The following EHMT1 variants were observed in gnomAD, a reference collection of about 807,000 sequenced individuals.
EHMT1 encodes euchromatic histone lysine methyltransferase 1.
Under a neutral mutation model 147.2 loss-of-function variants are expected in EHMT1, and 15 were observed. The observed-to-expected ratio is 0.10, with a 90% CI of 0.07 to 0.16. The LOEUF is 0.16. Among genes scored for constraint, EHMT1 ranks in the 10% least tolerant of loss-of-function variants. The pLI is 1.00. For synonymous variants in EHMT1, 795 were observed against 709.6 expected, an observed-to-expected ratio of 1.12 and a Z score of -1.91; for missense variants, 1,587 against 1,772.4, an observed-to-expected ratio of 0.90 and a Z score of 1.88.
chr9:137,811,561 A>G lies in EHMT1; in HGVS notation c.2813A>G (p.His938Arg), dbSNP rs749981825. The change falls in exon 19 of 27, where the codon CAC becomes CGC. Residue 938 changes from histidine (H) to arginine (R), a missense_variant. Around this residue, in one of 7 missense-constraint regions of EHMT1, gnomAD observed 201 missense variants for 350.1 expected, o/e 0.57. Transcript: ENST00000460843. Reference protein sequence around the residue: ...AKCDLHAVNIHGDSPLHIAAR... With the variant: ...AKCDLHAVNIRGDSPLHIAAR... ...TGCGACCTCCACGCCGTGAACATCC[A>G]CGGAGACTCGCCACTGCACATTGCC... The G allele has an allele frequency of 6.2e-7, 1 of 1,607,960 alleles. No individual in the cohort carries two copies.
At chr9:137,689,961 A>T (rs1471649059) in intron 1 of EHMT1, among the ~76,000 whole-genome samples, 120 of 152,184 alleles carry the variant, frequency 7.9e-4, no homozygotes, top group Non-Finnish European at 3.8e-4. Context: ...AGTCGTGGTG[A>T]ACAGAAGCAG....
chr9:137,702,157 T>C lies in EHMT1; in HGVS notation c.22-8810T>C, dbSNP rs148090850. On this transcript the variant is annotated intron_variant, in intron 1 of 26. Coordinates refer to ENST00000460843, the MANE Select transcript of EHMT1 (RefSeq NM_024757.5). ...GTTGGTCAGGCTGGTCTCAAACTCC[T>C]GACCTCATGATCCACCCACCTCGGC... is the stretch of plus-strand genomic sequence containing the variant. 9.7e-3 allele frequency among the ~76,000 whole-genome samples: 1,481 copies of C among 152,204 alleles called. 12 individuals carry two copies. Among genetic ancestry groups the C allele is most frequent in the Non-Finnish European group, 0.016 (1,063 of 67,998 alleles).
intron 1 of EHMT1, among the ~76,000 whole-genome samples, chr9:137,656,731 TTTTTAA>T (rs1448418388): frequency 2.6e-5 from 4 of 152,210 alleles, no homozygotes; most frequent in East Asian, 1.9e-4. Flanking sequence ...TTCCTTTTTT[TTTTTAA>T]TTTTAATTTT....
chr9:137,672,534 T>TGG lies in EHMT1; in HGVS notation c.22-38430_22-38429dup, dbSNP rs1314948901. Among the ~76,000 whole-genome samples, 13 of 152,368 alleles carry TGG rather than the reference T, an allele frequency of 8.5e-5. No individual in the cohort carries two copies. The East Asian group carries it at 2.5e-3, about 29-fold the overall frequency. On this transcript the variant is annotated intron_variant, in intron 1 of 26. Coordinates refer to ENST00000460843, the MANE Select transcript of EHMT1 (RefSeq NM_024757.5). ...TGGCAACTCGTGGACAAAATCCCTTTGGGGTACTCAGTGTGTTTAGAGTGT... is the reference window on the plus strand; with the variant it reads ...TGGCAACTCGTGGACAAAATCCCTTTGGGGGGTACTCAGTGTGTTTAGAGTGT...
chr9:137,834,857 C>G lies in EHMT1; in HGVS notation c.3801C>G (p.Ser1267Arg), dbSNP rs775985514. Residue 1267 changes from serine to arginine, a missense_variant, in exon 27 of 27, where the codon AGC (serine) becomes AGG (arginine). Coordinates refer to ENST00000460843, the MANE Select transcript of EHMT1 (RefSeq NM_024757.5). ...GCTCCCCCAAGTGCCGGCACTCGAG[C>G]GCGGCCCTGGCCCAGCGTCAGGCCA... ...RCGSPKCRHSSAALAQRQASA... is the reference protein window; with the variant it reads ...RCGSPKCRHSRAALAQRQASA... 11 of 1,611,700 alleles carry G rather than the reference C, an allele frequency of 6.8e-6. No individual in the cohort carries two copies. In the African/African-American group the frequency reaches 1.5e-4, roughly 22 times the overall value.
intron 1 of EHMT1, among the ~76,000 whole-genome samples, chr9:137,681,582 GT>G (rs1419615153): frequency 6.6e-6 from 1 of 152,032 alleles, no homozygotes; most frequent in Non-Finnish European, 1.5e-5. Context: ...TTCCCTGCTT[GT>G]CCAGGTGACA....
chr9:137,715,401 G>C (rs1355671518), intron 2 of EHMT1, among the ~76,000 whole-genome samples: 3 of 152,196 alleles, frequency 2.0e-5, no homozygotes, highest in African/African-American at 7.2e-5. Flanking sequence ...ATGTGCTCAG[G>C]GTACACTGGT....
intron 1 of EHMT1, among the ~76,000 whole-genome samples, chr9:137,675,779 A>ATTTTTTTTTTT (rs781380107): frequency 4.2e-5 from 4 of 95,742 alleles, no homozygotes; most frequent in African/African-American, 1.4e-4. Context: ...CGCCCGGCTA[A>ATTTTTTTTTTT]TTTTTTTTTT....
intron 10 of EHMT1, chr9:137,763,543 TC>T (rs1950004874): frequency 6.4e-6 from 1 of 155,994 alleles, no homozygotes; most frequent in African/African-American, 2.4e-5. Context: ...GCCATTAGTG[TC>T]GTCTGCTTCC....
chr9:137,752,488 C>T (rs987108055), intron 7 of EHMT1, 80 bp downstream of exon 7: 43 of 1,518,166 alleles, frequency 2.8e-5, no homozygotes, highest in Non-Finnish European at 2.4e-5. Flanking sequence ...GTTCTTTACC[C>T]AACAACCCTT....
chr9:137,720,551 C>T (rs1271012733), intron 3 of EHMT1, among the ~76,000 whole-genome samples: 1 of 152,198 alleles, frequency 6.6e-6, no homozygotes, highest in Non-Finnish European at 1.5e-5. Context: ...GATCTGCCCT[C>T]CTCGGCATCC....
At chr9:137,753,490 A>G (rs2136208143) in intron 7 of EHMT1, among the ~76,000 whole-genome samples, 1 of 152,324 alleles carries the variant, frequency 6.6e-6, no homozygotes, top group East Asian at 1.9e-4. Flanking sequence ...CGTGGGACCC[A>G]ACTCAGGAAG....
intron 6 of EHMT1, chr9:137,746,583 A>C (rs1445191402): frequency 1.3e-5 from 2 of 152,226 alleles, no homozygotes; most frequent in Non-Finnish European, 2.9e-5. Context: ...TCATTCTTGT[A>C]TATAAATATT....
intron 7 of EHMT1, 137 bp downstream of exon 7, chr9:137,752,545 G>C (rs948808310): frequency 1.0e-6 from 1 of 979,026 alleles, no homozygotes. Flanking sequence ...CATGGTGATG[G>C]CCACAGATGG....
At chr9:137,693,113 G>A (rs1943081981) in intron 1 of EHMT1, among the ~76,000 whole-genome samples, 1 of 152,114 alleles carries the variant, frequency 6.6e-6, no homozygotes, top group South Asian at 2.1e-4. Context: ...GGAAAGAGCA[G>A]GTTAATTGTT....
chr9:137,639,241 C>G (rs1217188494), intron 1 of EHMT1, among the ~76,000 whole-genome samples: 1 of 151,856 alleles, frequency 6.6e-6, no homozygotes, highest in Admixed American at 6.6e-5. Context: ...AAAAAAAAAT[C>G]CCGTATTATA....
At chr9:137,762,636 C>G (rs1949916890) in intron 9 of EHMT1, 39 bp from the exon 10 acceptor site, 2 of 1,613,844 alleles carry the variant, frequency 1.2e-6, no homozygotes, top group Non-Finnish European at 8.5e-7. Flanking sequence ...CTTTTGAGGT[C>G]AGGATTGCAT....
At chr9:137,694,392 A>G (rs2134987479) in intron 1 of EHMT1, among the ~76,000 whole-genome samples, 2 of 151,126 alleles carry the variant, frequency 1.3e-5, no homozygotes, top group East Asian at 2.0e-4. Flanking sequence ...TACCCCCCAC[A>G]CAGTGGCACA....
At chr9:137,715,635 A>AGT in intron 2 of EHMT1, 5 of 985,354 alleles carry the variant, frequency 5.1e-6, no homozygotes, top group Non-Finnish European at 6.0e-6. Context: ...TCCTGAGCTG[A>AGT]GTGTGTGTGT....
Sources: allele counts gnomAD v4.1 joint callset (sites outside exome capture counted in the v4.1 genomes callset), GRCh38; gene constraint gnomAD v4.1.1; regional missense constraint gnomAD v4.1.1; transcripts MANE v1.5; gene names NCBI Gene and HGNC (gene_info 2026-07-23, HGNC 2026-07-21).